The following SAMD5 variants were observed in gnomAD, a reference collection of about 807,000 sequenced individuals.
SAMD5 encodes sterile alpha motif domain containing 5.
In SAMD5, 13 loss-of-function variants were observed where a neutral mutation model predicts 11.3. The ratio of observed to expected loss-of-function variants is 1.15; its 90% CI spans 0.75 to 1.83. The LOEUF (loss-of-function observed/expected upper bound fraction) is 1.83, where lower values mean the gene tolerates loss of function less well. SAMD5 is among the 40% of genes most tolerant of loss of function. SAMD5 has a pLI of 0.00. For synonymous variants in SAMD5, 129 were observed against 111.3 expected, an observed-to-expected ratio of 1.16 and a Z score of -1.00; for missense variants, 255 against 239.1, an observed-to-expected ratio of 1.07 and a Z score of -0.44.
chr6:147,610,372 C>G (rs1789765554), intron 1 of SAMD5, among the ~76,000 whole-genome samples: 2 of 152,144 alleles, frequency 1.3e-5, no homozygotes, highest in Non-Finnish European at 1.5e-5. Context: ...GGTGTTGGTG[C>G]AACGACGACA....
At chr6:147,862,987 A>T in the SAMD5 span, among the ~76,000 whole-genome samples, 1 of 152,166 alleles carries the variant, frequency 6.6e-6, no homozygotes, top group African/African-American at 2.4e-5. Context: ...AGCACAATAA[A>T]TGTAGGCTGG....
Position 147,568,909 on chromosome 6 carries a change from AG to A in SAMD5, c.*4456del. On this transcript the variant is annotated 3_prime_UTR_variant, in exon 2 of 2. Coordinates refer to ENST00000367474, the MANE Select transcript of SAMD5 (RefSeq NM_001030060.3). Reference sequence around the variant, plus strand: ...TTAGATATTTCCATAAAAGGCTTAAAGGGAAAAAAAAATGGTAGGTAGTTCA... The same window carrying A: ...TTAGATATTTCCATAAAAGGCTTAAAGGAAAAAAAAATGGTAGGTAGTTCA... 2 of 981,636 alleles carry A rather than the reference AG, an allele frequency of 2.0e-6. No individual in the cohort carries two copies. The highest frequency in any genetic ancestry group is 2.4e-6 in the Non-Finnish European group (2 of 826,596). 60.8% of individuals were successfully genotyped at this position (981,636 alleles called of 1,614,324 possible).
At chr6:147,575,635 T>C (rs1583091421) in intron 1 of SAMD5, among the ~76,000 whole-genome samples, 1 of 152,268 alleles carries the variant, frequency 6.6e-6, no homozygotes. Flanking sequence ...TTTTACCAAC[T>C]GTCCCTTGAC....
intron 1 of SAMD5, among the ~76,000 whole-genome samples, chr6:147,632,869 T>C (rs759684308): frequency 7.2e-5 from 11 of 152,246 alleles, no homozygotes; most frequent in Non-Finnish European, 1.6e-4. Context: ...AAAATTTGAA[T>C]TCAAACATCT....
rs572005827 is a variant in SAMD5, at chr6:147,720,401, T to A, written c.163-16916T>A. On this transcript the variant is annotated intron_variant, in intron 1 of 1. Coordinates refer to the SAMD5 transcript ENST00000566741. ...TGGCGGGAACCCAGGAGGCGGAGCT[T>A]GCAGTGAGCCGAGATAGCGCCACTG... 1.8e-3 allele frequency among the ~76,000 whole-genome samples: 270 copies of A among 151,788 alleles called. 1 individual carries two copies. Among genetic ancestry groups the A allele is most frequent in the African/African-American group, 6.2e-3 (258 of 41,406 alleles).
At chr6:147,697,367 G>A (rs1377437063) in intron 1 of SAMD5, among the ~76,000 whole-genome samples, 1 of 152,182 alleles carries the variant, frequency 6.6e-6, no homozygotes, top group Non-Finnish European at 1.5e-5. Context: ...GTTCCCTGCA[G>A]TAAATGGACT....
chr6:147,625,911 G>A (rs1439030264), intron 1 of SAMD5, among the ~76,000 whole-genome samples: 1 of 152,166 alleles, frequency 6.6e-6, no homozygotes, highest in Non-Finnish European at 1.5e-5. Context: ...AGGGTGCCTA[G>A]CTGCAGACAG....
chr6:147,923,663 T>C, the SAMD5 span, among the ~76,000 whole-genome samples: 1 of 152,214 alleles, frequency 6.6e-6, no homozygotes, highest in Non-Finnish European at 1.5e-5. Context: ...CTAGTCAAGA[T>C]GCTTTCACAG....
At position 147,569,688 on chromosome 6, in the gene SAMD5, G is replaced by A; in HGVS notation, c.*5232G>A. The A allele has an allele frequency of 1.0e-6, 1 of 985,298 alleles. No homozygotes were observed. Among genetic ancestry groups the A allele is most frequent in the Non-Finnish European group, 1.2e-6 (1 of 829,848 alleles). The allele number at this position is 985,298 out of a possible 1,614,324, so 61.0% of individuals were successfully genotyped here. A position where few individuals can be genotyped will look rare whatever the true frequency, so the allele number is the denominator to read the frequency against. ...TGTTCCCCAAGCTTGTCAATGTTTA[G>A]AGATACTATTCGGGTTGCTAAAGCC... On this transcript the variant is annotated 3_prime_UTR_variant, in exon 2 of 2. Transcript: ENST00000367474.
At chr6:147,918,538 A>G in the SAMD5 span, among the ~76,000 whole-genome samples, 6 of 152,138 alleles carry the variant, frequency 3.9e-5, no homozygotes, top group Non-Finnish European at 8.8e-5. Flanking sequence ...TTTAATTAGG[A>G]AAAGAGGAAG....
the SAMD5 span, among the ~76,000 whole-genome samples, chr6:147,901,901 A>G: frequency 8.5e-5 from 13 of 152,246 alleles, no homozygotes; most frequent in African/African-American, 3.1e-4. Context: ...CCACCAGGTA[A>G]ATGAACTTCT....
chr6:147,784,116 AC>A, the SAMD5 span, among the ~76,000 whole-genome samples: 1 of 151,882 alleles, frequency 6.6e-6, no homozygotes, highest in African/African-American at 2.4e-5. Flanking sequence ...GCCACCACCT[AC>A]CCCTGCAAAC....
At chr6:147,765,810 A>G in the SAMD5 span, among the ~76,000 whole-genome samples, 1 of 152,190 alleles carries the variant, frequency 6.6e-6, no homozygotes. Flanking sequence ...TCTTATCTCT[A>G]GAGAAATGTA....
chr6:147,867,565 G>A, the SAMD5 span, among the ~76,000 whole-genome samples: 18 of 152,074 alleles, frequency 1.2e-4, no homozygotes, highest in East Asian at 5.8e-4. Flanking sequence ...CTGACCCTGC[G>A]TCTCCCCTCT....
the SAMD5 span, among the ~76,000 whole-genome samples, chr6:147,779,073 G>C: frequency 9.9e-5 from 15 of 151,172 alleles, no homozygotes; most frequent in Admixed American, 1.3e-4. Context: ...TGCCATGTTA[G>C]ACACTTTCCT....
chr6:147,924,916 G>A, the SAMD5 span, among the ~76,000 whole-genome samples: 1 of 151,960 alleles, frequency 6.6e-6, no homozygotes, highest in Non-Finnish European at 1.5e-5. Flanking sequence ...ATTTGAAATT[G>A]TGACCTTGAG....
Position 147,508,932 on chromosome 6 carries a change from T to A in SAMD5, c.4T>A (p.Cys2Ser). The A allele has an allele frequency of 3.8e-6, 6 of 1,590,982 alleles. No individual in the cohort carries two copies. The highest frequency in any genetic ancestry group is 4.3e-6 in the Non-Finnish European group (5 of 1,169,598). ...CGGCGGGGTTCCCGGTCCCACCATG[T>A]GCACCAACATAGTTTACGAGTGGCT... M[C>S]TNIVYEWLKA... Residue 2 changes from cysteine (C) to serine (S), a missense_variant, in exon 1 of 2, where the codon TGC becomes AGC. Coordinates refer to ENST00000367474, the MANE Select transcript of SAMD5 (RefSeq NM_001030060.3).
At chr6:147,899,004 C>G in the SAMD5 span, among the ~76,000 whole-genome samples, 4 of 151,248 alleles carry the variant, frequency 2.6e-5, no homozygotes, top group Non-Finnish European at 4.4e-5. Flanking sequence ...CATGGTGAAA[C>G]CCCGTCTCTA....
chr6:147,598,728 C>T (rs747513424), intron 1 of SAMD5, among the ~76,000 whole-genome samples: 15 of 152,120 alleles, frequency 9.9e-5, no homozygotes, highest in East Asian at 3.9e-4. Flanking sequence ...CTGACATGTG[C>T]GTGCATTCAT....
Sources: allele counts gnomAD v4.1 joint callset (sites outside exome capture counted in the v4.1 genomes callset), GRCh38; gene constraint gnomAD v4.1.1; transcripts MANE v1.5; gene names NCBI Gene and HGNC (gene_info 2026-07-23, HGNC 2026-07-21).